MLLT10: variants seen among roughly 807,000 people sequenced by gnomAD.
MLLT10 encodes the protein protein AF-10.
A neutral mutation model predicts 129.1 loss-of-function variants in MLLT10; 30 were observed. That is an observed-to-expected ratio of 0.23 (90% CI 0.17 to 0.32). MLLT10 has a LOEUF of 0.32. Among genes scored for constraint, MLLT10 ranks in the 10% least tolerant of loss-of-function variants. The pLI is 1.00. For missense variants in MLLT10, 1,119 were observed against 1,268.3 expected (o/e 0.88, Z 1.79); for synonymous variants, 490 against 446.4 (o/e 1.10, Z -1.23).
chr10:21,625,141 G>T, intron 8 of MLLT10: 1 of 1,085,420 alleles, frequency 9.2e-7, no homozygotes, highest in Non-Finnish European at 1.4e-6. Context: ...ATCGGAAGCG[G>T]CATGCGAGGA....
At chr10:21,685,963 A>G (rs777116649) in intron 13 of MLLT10, among the ~76,000 whole-genome samples, 2 of 152,220 alleles carry the variant, frequency 1.3e-5, no homozygotes, top group South Asian at 4.1e-4. Flanking sequence ...TAAAGAACCT[A>G]GAAAATACTA....
intron 3 of MLLT10, 45 bp from the exon 4 acceptor site, chr10:21,586,249 A>T: frequency 6.9e-7 from 1 of 1,439,324 alleles, no homozygotes; most frequent in Non-Finnish European, 9.5e-7. Context: ...TACATTTTTG[A>T]TAATCTGAAA....
At chr10:21,584,886 T>TTA (rs1564456755) in intron 3 of MLLT10, among the ~76,000 whole-genome samples, 2 of 150,008 alleles carry the variant, frequency 1.3e-5, no homozygotes, top group Non-Finnish European at 1.5e-5. Flanking sequence ...GTGTGTGTGT[T>TTA]TATATATATG....
chr10:21,581,833 T>A (rs976776187), intron 3 of MLLT10, among the ~76,000 whole-genome samples: 3 of 152,212 alleles, frequency 2.0e-5, no homozygotes, highest in Non-Finnish European at 4.4e-5. Flanking sequence ...CTTTATAAAT[T>A]GCCCAGTCTC....
chr10:21,642,038 T>C (rs571494353), intron 8 of MLLT10, among the ~76,000 whole-genome samples: 1 of 152,144 alleles, frequency 6.6e-6, no homozygotes, highest in Non-Finnish European at 1.5e-5. Flanking sequence ...CTCTTAAGAA[T>C]GAGGAGAACA....
chr10:21,647,893 G>T (rs958035077), intron 8 of MLLT10, among the ~76,000 whole-genome samples: 5 of 149,888 alleles, frequency 3.3e-5, no homozygotes, highest in African/African-American at 4.9e-5. Context: ...TTTATTTTTT[G>T]GGGGGGAGGT....
intron 8 of MLLT10, among the ~76,000 whole-genome samples, chr10:21,641,378 ATAAT>A (rs1490202919): frequency 2.0e-5 from 3 of 152,230 alleles, no homozygotes; most frequent in Admixed American, 6.5e-5. Flanking sequence ...CATAAAAAGG[ATAAT>A]TAGAGAAAAA....
At chr10:21,575,257 T>C (rs960623931) in intron 3 of MLLT10, among the ~76,000 whole-genome samples, 9 of 152,130 alleles carry the variant, frequency 5.9e-5, no homozygotes, top group African/African-American at 1.7e-4. Flanking sequence ...AGTGGTGCGA[T>C]CTTGGCTTAC....
intron 12 of MLLT10, among the ~76,000 whole-genome samples, chr10:21,681,647 A>G (rs2052747903): frequency 6.6e-6 from 1 of 151,990 alleles, no homozygotes; most frequent in Admixed American, 6.6e-5. Flanking sequence ...CTCCTTCTTG[A>G]AATAATGTGT....
intron 2 of MLLT10, among the ~76,000 whole-genome samples, chr10:21,535,065 TCGG>T (rs1377726225): frequency 7.8e-6 from 1 of 128,486 alleles, no homozygotes; most frequent in Non-Finnish European, 1.7e-5. Flanking sequence ...GTCTGCTGAC[TCGG>T]CGGGGCGGGG....
intron 3 of MLLT10, 147 bp downstream of exon 3, chr10:21,539,059 G>A: frequency 1.9e-6 from 1 of 519,296 alleles, no homozygotes; most frequent in Non-Finnish European, 3.4e-6. Context: ...TTGACTTGGA[G>A]TATTAAACAG....
intron 3 of MLLT10, among the ~76,000 whole-genome samples, chr10:21,559,241 G>A (rs1307743618): frequency 6.6e-6 from 1 of 152,060 alleles, no homozygotes; most frequent in Admixed American, 6.6e-5. Flanking sequence ...CCGCCACCAC[G>A]CCTGACTAAT....
chr10:21,684,172 G>A (rs1299548430), intron 13 of MLLT10, among the ~76,000 whole-genome samples: 2 of 151,834 alleles, frequency 1.3e-5, no homozygotes, highest in Non-Finnish European at 2.9e-5. Flanking sequence ...CACCATGCCT[G>A]GCTAATACAT....
chr10:21,665,309 G>GC (rs1395061329), intron 9 of MLLT10, among the ~76,000 whole-genome samples: 1 of 141,304 alleles, frequency 7.1e-6, no homozygotes, highest in East Asian at 2.3e-4. Context: ...TTTGGGGGGG[G>GC]GGGGGTTTCA....
chr10:21,668,176 C>A (rs566120482), intron 9 of MLLT10, among the ~76,000 whole-genome samples: 2 of 152,090 alleles, frequency 1.3e-5, no homozygotes, highest in Non-Finnish European at 2.9e-5. Context: ...ACAAGAATTA[C>A]ACTCAGAGCA....
chr10:21,540,659 C>G (rs1381507663), intron 3 of MLLT10, among the ~76,000 whole-genome samples: 1 of 152,130 alleles, frequency 6.6e-6, no homozygotes, highest in African/African-American at 2.4e-5. Flanking sequence ...GCAAACCTAC[C>G]ATTTAAAATA....
intron 3 of MLLT10, among the ~76,000 whole-genome samples, chr10:21,554,903 C>A (rs2037675542): frequency 6.6e-6 from 1 of 151,336 alleles, no homozygotes; most frequent in Admixed American, 6.6e-5. Flanking sequence ...CTCACTGCAA[C>A]CCCTACCACC....
intron 13 of MLLT10, among the ~76,000 whole-genome samples, chr10:21,706,564 A>C (rs2055522789): frequency 6.6e-6 from 1 of 152,196 alleles, no homozygotes; most frequent in East Asian, 1.9e-4. Context: ...TACAGGCTTA[A>C]TTACTTACTT....
At chr10:21,549,122 CTTTTTTTTTT>C (rs5783779) in intron 3 of MLLT10, among the ~76,000 whole-genome samples, 1 of 130,394 alleles carries the variant, frequency 7.7e-6, no homozygotes, top group Non-Finnish European at 1.6e-5. Context: ...GAGCTTATTC[CTTTTTTTTTT>C]TTTTTTTTTA....
Sources: allele counts gnomAD v4.1 joint callset (sites outside exome capture counted in the v4.1 genomes callset), GRCh38; gene constraint gnomAD v4.1.1; transcripts MANE v1.5; gene names NCBI Gene and HGNC (gene_info 2026-07-23, HGNC 2026-07-21).